Variants in DLEU7 observed in about 807,000 individuals in gnomAD.
The protein encoded by DLEU7 is leukemia-associated protein 7.
Under a neutral mutation model 16.0 loss-of-function variants are expected in DLEU7, and 17 were observed. The observed-to-expected ratio is 1.06, with a 90% CI of 0.73 to 1.59. The LOEUF (loss-of-function observed/expected upper bound fraction) is 1.59, where lower values mean the gene tolerates loss of function less well. DLEU7 is among the 40% of genes most tolerant of loss of function. The pLI is 0.00. For missense variants in DLEU7, 308 were observed against 314.9 expected, an observed-to-expected ratio of 0.98 and a Z score of 0.17; for synonymous variants, 113 against 139.8, an observed-to-expected ratio of 0.81 and a Z score of 1.35.
At chr13:50,843,795 G>A, upstream of DLEU7, 1 of 1,118,364 alleles carries the variant, frequency 8.9e-7, no homozygotes, top group Non-Finnish European at 1.2e-6. This position sits in a 1 kb window ranked among gnomAD's most constrained non-coding sequence, Gnocchi z 5.7. Context: ...CCCGCCCCCG[G>A]CTCTGAATCG....
downstream of DLEU7, chr13:50,822,646 A>G (rs1402789077): frequency 2.0e-6 from 2 of 985,042 alleles, no homozygotes; most frequent in Non-Finnish European, 2.4e-6. Context: ...TGAGACTTTA[A>G]TAATACTGTG....
chr13:50,743,198 C>A (rs747676036), intron 1 of DLEU7, among the ~76,000 whole-genome samples: 4 of 151,968 alleles, frequency 2.6e-5, no homozygotes, highest in Non-Finnish European at 5.9e-5. Context: ...GGCAGGCAGG[C>A]AGGCTGGCTG....
At chr13:50,757,496 A>G (rs1183554317) in intron 1 of DLEU7, among the ~76,000 whole-genome samples, 3 of 152,176 alleles carry the variant, frequency 2.0e-5, no homozygotes, top group African/African-American at 4.8e-5. Flanking sequence ...TTTCTGCTGC[A>G]TGGCATTCTA....
At chr13:50,713,482 T>C (rs1018962872) in intron 1 of DLEU7, among the ~76,000 whole-genome samples, 4 of 152,208 alleles carry the variant, frequency 2.6e-5, no homozygotes, top group Non-Finnish European at 4.4e-5. Context: ...TCTATAGCTA[T>C]CTTTATACTT....
In DLEU7 at chr13:50,764,744, T is replaced by A. The variant is rs7334008; in HGVS notation, c.460-51504A>T. Among the ~76,000 whole-genome samples, 3 of 152,204 alleles carry A rather than the reference T, an allele frequency of 2.0e-5. No individual in the cohort carries two copies. In the East Asian group the frequency reaches 5.8e-4, roughly 30 times the overall value. ...GAACTTGAGTCAAATCCCTTGAGTG[T>A]TCACTCCATCAGATAGTCCATGAAA... On this transcript the variant is annotated intron_variant, in intron 1 of 1. Transcript: ENST00000400393.
intron 1 of DLEU7, among the ~76,000 whole-genome samples, chr13:50,725,913 G>A (rs1873751229): frequency 6.6e-6 from 1 of 151,984 alleles, no homozygotes; most frequent in Non-Finnish European, 1.5e-5. Context: ...GAAGGTCTTG[G>A]TCTAGACTTA....
At chr13:50,821,652 T>C (rs1876908113), downstream of DLEU7, among the ~76,000 whole-genome samples, 1 of 151,582 alleles carries the variant, frequency 6.6e-6, no homozygotes, top group African/African-American at 2.4e-5. Flanking sequence ...TGTCAGCATA[T>C]AGGAAACATG....
At chr13:50,715,715 T>C (rs1021416211) in intron 1 of DLEU7, among the ~76,000 whole-genome samples, 3 of 152,228 alleles carry the variant, frequency 2.0e-5, no homozygotes, top group African/African-American at 7.2e-5. Flanking sequence ...AGCTCCCTAG[T>C]GGAGGTGTTT....
At chr13:50,807,659 G>C (rs1250178376) in intron 1 of DLEU7, among the ~76,000 whole-genome samples, 3 of 151,982 alleles carry the variant, frequency 2.0e-5, no homozygotes, top group African/African-American at 7.3e-5. Context: ...GGGAAAATCT[G>C]TTTCAGTAGG....
chr13:50,807,484 T>G (rs1223803022), intron 1 of DLEU7, among the ~76,000 whole-genome samples: 1 of 151,864 alleles, frequency 6.6e-6, no homozygotes, highest in East Asian at 1.9e-4. Context: ...ATTTAATCTT[T>G]GAGTGTTGAG....
intron 1 of DLEU7, among the ~76,000 whole-genome samples, chr13:50,728,208 C>G (rs2476616): frequency 1 from 152,252 of 152,310 alleles, 76,097 homozygotes; most frequent in Middle Eastern, 1. Flanking sequence ...GGGCTTTGGT[C>G]GGGGGTGGGA....
intron 1 of DLEU7, among the ~76,000 whole-genome samples, chr13:50,816,217 TTC>T (rs5803537): frequency 0.032 from 4,832 of 152,208 alleles, 266 homozygotes; most frequent in African/African-American, 0.1. Context: ...TTTTATCTCA[TTC>T]TCTCCCTTTC....
At chr13:50,744,866 T>C (rs1039950917) in intron 1 of DLEU7, among the ~76,000 whole-genome samples, 2 of 152,140 alleles carry the variant, frequency 1.3e-5, no homozygotes, top group African/African-American at 4.8e-5. Context: ...AAAACAACGT[T>C]GGACCACTTC....
chr13:50,717,781 T>C lies in DLEU7; in HGVS notation c.460-4541A>G, dbSNP rs1382162531. Among the ~76,000 whole-genome samples, 5 of 152,288 alleles carry C rather than the reference T, an allele frequency of 3.3e-5. No homozygotes were observed. In the South Asian group the frequency reaches 1.0e-3, roughly 32 times the overall value. ...AGCAATGCCCAAGGCAGCCAGACAC[T>C]ATGTCTCCCTTTCTGTTTTAATGTA... On this transcript the variant is annotated intron_variant, in intron 1 of 1. Transcript: ENST00000400393.
At chr13:50,782,272 CAAA>C (rs1258555460) in intron 1 of DLEU7, among the ~76,000 whole-genome samples, 1 of 152,144 alleles carries the variant, frequency 6.6e-6, no homozygotes, top group African/African-American at 2.4e-5. Flanking sequence ...GTTCCTGAAA[CAAA>C]AGCCATTTCC....
At chr13:50,725,530 C>T (rs892508524) in intron 1 of DLEU7, among the ~76,000 whole-genome samples, 13 of 152,154 alleles carry the variant, frequency 8.5e-5, no homozygotes, top group African/African-American at 3.1e-4. Flanking sequence ...GTGGAATTAG[C>T]TATCTATGAG....
intron 1 of DLEU7, among the ~76,000 whole-genome samples, chr13:50,715,812 G>A (rs1254442081): frequency 1.3e-5 from 2 of 152,224 alleles, no homozygotes; most frequent in East Asian, 1.9e-4. Flanking sequence ...TCACAACCTT[G>A]CCTTTCCTCC....
At chr13:50,829,310 A>C (rs894234866) in intron 1 of DLEU7, among the ~76,000 whole-genome samples, 8 of 152,192 alleles carry the variant, frequency 5.3e-5, no homozygotes, top group African/African-American at 1.9e-4. Flanking sequence ...CACATCAAGG[A>C]AAATTGTCCG....
intron 1 of DLEU7, among the ~76,000 whole-genome samples, chr13:50,791,192 G>T (rs1875947151): frequency 6.6e-6 from 1 of 152,180 alleles, no homozygotes; most frequent in South Asian, 2.1e-4. Flanking sequence ...AGAAACCATT[G>T]CTTCATAGAT....
Sources: gnomAD v4.1 joint callset for allele counts (sites outside exome capture counted in the v4.1 genomes callset) on GRCh38, gnomAD v4.1.1 for gene constraint, Gnocchi (gnomAD v3.1) non-coding constraint, MANE v1.5 for transcripts, NCBI Gene and HGNC (gene_info 2026-07-23, HGNC 2026-07-21) for gene names.